The following SECISBP2L variants were observed in gnomAD, a reference collection of about 807,000 sequenced individuals.
SECISBP2L encodes selenocysteine insertion sequence-binding protein 2-like.
A neutral mutation model predicts 114.7 loss-of-function variants in SECISBP2L; 43 were observed. The observed-to-expected ratio is 0.38, with a 90% confidence interval of 0.29 to 0.48. The LOEUF is 0.48. Ranked by LOEUF, SECISBP2L falls within the 20% of genes least tolerant of loss-of-function variation. SECISBP2L has a pLI of 0.98. For synonymous variants in SECISBP2L, 451 were observed against 439.7 expected (o/e 1.03, Z -0.32); for missense variants, 1,136 against 1,301.1 (o/e 0.87, Z 1.95).
intron 7 of SECISBP2L, among the ~76,000 whole-genome samples, chr15:49,024,939 C>T (rs546304170): frequency 2.0e-5 from 3 of 152,268 alleles, no homozygotes; most frequent in African/African-American, 7.2e-5. Context: ...TAACATTCCT[C>T]ATCAAGTTTT....
intron 13 of SECISBP2L, among the ~76,000 whole-genome samples, chr15:49,010,026 G>C (rs1034598012): frequency 2.0e-5 from 3 of 151,756 alleles, no homozygotes; most frequent in African/African-American, 4.8e-5. Context: ...CCAGCTACTC[G>C]GGAGGCTAAG....
intron 1 of SECISBP2L, among the ~76,000 whole-genome samples, chr15:49,040,693 G>C (rs189137791): frequency 6.6e-6 from 1 of 150,532 alleles, no homozygotes; most frequent in Non-Finnish European, 1.5e-5. Context: ...CCACCATCAC[G>C]CCCGGCTAAT....
intron 6 of SECISBP2L, 26 bp downstream of exon 6, chr15:49,028,117 CA>C: frequency 6.4e-7 from 1 of 1,565,008 alleles, no homozygotes; most frequent in East Asian, 2.3e-5. Flanking sequence ...GAAAGTATAG[CA>C]AAAACACAAT....
At chr15:49,045,698 C>A (rs72741948) in intron 1 of SECISBP2L, among the ~76,000 whole-genome samples, 4,939 of 151,932 alleles carry the variant, frequency 0.033, 151 homozygotes, top group East Asian at 0.15. Context: ...TAAAAAAAAA[C>A]CCACTAATTA....
At chr15:49,013,354 T>C (rs1168767168) in intron 11 of SECISBP2L, among the ~76,000 whole-genome samples, 1 of 152,178 alleles carries the variant, frequency 6.6e-6, no homozygotes, top group African/African-American at 2.4e-5. Flanking sequence ...TGCAGTGCAG[T>C]GGCACGATCT....
At chr15:49,042,200 C>T (rs1903153111) in intron 1 of SECISBP2L, 1 of 152,240 alleles carries the variant, frequency 6.6e-6, no homozygotes, top group East Asian at 1.9e-4. Flanking sequence ...AGTTTCCCCT[C>T]TAACTTCTTG....
chr15:49,015,723 T>TAC (rs199602061), intron 11 of SECISBP2L, among the ~76,000 whole-genome samples: 44 of 152,180 alleles, frequency 2.9e-4, no homozygotes, highest in East Asian at 2.1e-3. Context: ...TTTTCTCATA[T>TAC]ACACACACAC....
intron 11 of SECISBP2L, 156 bp downstream of exon 11, chr15:49,016,404 C>T (rs1902537012): frequency 6.6e-6 from 4 of 607,146 alleles, no homozygotes; most frequent in Admixed American, 7.5e-5. Context: ...TTTAAGCTGA[C>T]TTAAAATACA....
intron 17 of SECISBP2L, among the ~76,000 whole-genome samples, chr15:48,994,200 G>T (rs1021103742): frequency 6.6e-6 from 1 of 151,644 alleles, no homozygotes; most frequent in Non-Finnish European, 1.5e-5. Context: ...ACACCTTATA[G>T]TAACACTTGA....
chr15:49,044,209 T>C (rs1327241787), intron 1 of SECISBP2L, among the ~76,000 whole-genome samples: 1 of 152,148 alleles, frequency 6.6e-6, no homozygotes, highest in African/African-American at 2.4e-5. Context: ...ACATATTACA[T>C]ATACTTTTCA....
At chr15:49,042,120 A>T (rs1370229403) in intron 1 of SECISBP2L, among the ~76,000 whole-genome samples, 1 of 152,116 alleles carries the variant, frequency 6.6e-6, no homozygotes, top group Non-Finnish European at 1.5e-5. Context: ...AGCTTTCTAG[A>T]TTTAATATTA....
chr15:49,012,992 C>T, intron 11 of SECISBP2L, 175 bp from the exon 12 acceptor site: 1 of 606,502 alleles, frequency 1.6e-6, no homozygotes, highest in Non-Finnish European at 2.8e-6. Flanking sequence ...TTTACCTATC[C>T]TTTAGAGACT....
At chr15:49,032,904 A>G in intron 4 of SECISBP2L, 61 bp downstream of exon 4, 1 of 1,587,818 alleles carries the variant, frequency 6.3e-7, no homozygotes, top group Non-Finnish European at 8.6e-7. Context: ...CCACAATTAT[A>G]AAGTGAATGA....
At chr15:49,039,312 T>C (rs1248283372) in intron 1 of SECISBP2L, among the ~76,000 whole-genome samples, 1 of 152,106 alleles carries the variant, frequency 6.6e-6, no homozygotes, top group Admixed American at 6.5e-5. Flanking sequence ...CTCTGTGATA[T>C]TCATTAGAAC....
chr15:49,028,801 T>C, intron 4 of SECISBP2L, 119 bp from the exon 5 acceptor site: 1 of 835,266 alleles, frequency 1.2e-6, no homozygotes, highest in South Asian at 1.8e-5. Flanking sequence ...AAGAAATAGG[T>C]GACAACTTTT....
intron 4 of SECISBP2L, among the ~76,000 whole-genome samples, chr15:49,031,061 C>CTTTTTTTTTT (rs1566861328): frequency 5.2e-5 from 4 of 77,040 alleles, no homozygotes; most frequent in Non-Finnish European, 8.8e-5. Flanking sequence ...TTTTTTTTTT[C>CTTTTTTTTTT]CCTTTTGAGA....
Position 49,011,877 on chromosome 15 carries a change from C to T in SECISBP2L, c.1732-14G>A, listed in dbSNP as rs1039714001. On this transcript the variant is annotated splice_polypyrimidine_tract_variant and intron_variant, in intron 12 of 17. Transcript: ENST00000559471. Reference sequence around the variant, plus strand: ...TTTTAAAATAACCTAAAAGTCATTACACTAGTCTTTAATTACAGATTACTC... The same window carrying T: ...TTTTAAAATAACCTAAAAGTCATTATACTAGTCTTTAATTACAGATTACTC... 6 of 1,612,896 alleles carry T rather than the reference C, an allele frequency of 3.7e-6. No homozygotes were observed. The highest frequency in any genetic ancestry group is 2.7e-5 in the African/African-American group (2 of 74,864).
chr15:48,994,753 G>T (rs1269189126), intron 17 of SECISBP2L, among the ~76,000 whole-genome samples: 2 of 148,698 alleles, frequency 1.3e-5, no homozygotes, highest in South Asian at 2.1e-4. Context: ...GCCTTGTTTT[G>T]TGTTTGCTGT....
Position 48,992,278 on chromosome 15 carries a change from T to C in SECISBP2L, c.3272A>G (p.His1091Arg), listed in dbSNP as rs1901994665. The change falls in exon 18 of 18, where the codon CAC becomes CGC. Residue 1091 changes from histidine (H) to arginine (R), a missense_variant. His to Arg is a conservative substitution (Grantham distance 29). This residue lies in a region of SECISBP2L where 684 missense variants were observed against 848.7 expected (regional missense o/e 0.81). Transcript: ENST00000559471. ...TTGCGTTGTGTAATTAGAATCAGAG[T>C]GCTCTTTGTTGAGCGAGCTGCAGTT... ...SSNCSSLNKE[H>R]SDSNYTTQTT The C allele has an allele frequency of 5.0e-6, 8 of 1,610,568 alleles. No individual in the cohort carries two copies. Among genetic ancestry groups the C allele is most frequent in the Non-Finnish European group, 6.8e-6 (8 of 1,178,680 alleles).
Sources: gnomAD v4.1 joint callset for allele counts (sites outside exome capture counted in the v4.1 genomes callset) on GRCh38, gnomAD v4.1.1 for gene constraint, gnomAD v4.1.1 regional missense constraint, MANE v1.5 for transcripts, NCBI Gene and HGNC (gene_info 2026-07-23, HGNC 2026-07-21) for gene names.